The following MAML1 variants were observed in gnomAD, a reference collection of about 807,000 sequenced individuals.
MAML1 encodes mastermind-like protein 1.
In MAML1, 14 loss-of-function variants were observed where a neutral mutation model predicts 77.1. The ratio of observed to expected loss-of-function variants is 0.18; its 90% CI spans 0.12 to 0.28. The LOEUF is 0.28. MAML1 is among the 10% of genes least tolerant of loss of function. MAML1 has a pLI of 1.00. For synonymous variants in MAML1, 516 were observed against 551.9 expected, an observed-to-expected ratio of 0.93 and a Z score of 0.91; for missense variants, 1,217 against 1,327.8, an observed-to-expected ratio of 0.92 and a Z score of 1.30.
At chr5:179,756,293 C>T (rs376150012) in intron 1 of MAML1, among the ~76,000 whole-genome samples, 4 of 151,706 alleles carry the variant, frequency 2.6e-5, no homozygotes, top group East Asian at 2.0e-4. Flanking sequence ...GGTGTGGTGG[C>T]GGGCGCCTGT....
intron 1 of MAML1, among the ~76,000 whole-genome samples, chr5:179,739,557 AT>A (rs1422535273): frequency 6.6e-6 from 1 of 152,180 alleles, no homozygotes; most frequent in Non-Finnish European, 1.5e-5. Flanking sequence ...GGTGGCATGC[AT>A]CTGTATTCTC....
rs1755914339 is a variant in MAML1, at chr5:179,769,212, A to G, written c.1971+123A>G. ...CGCAGACTTGCGTGCCTGTTGTTAG[A>G]GTGCTTTGCCTTTTAAAAACATCTT... On this transcript the variant is annotated intron_variant, in intron 3 of 4. Transcript: ENST00000292599. The surrounding 1 kb of genome is among the most constrained non-coding windows in gnomAD (Gnocchi z 4.2). The G allele has an allele frequency of 2.2e-6, 3 of 1,379,416 alleles. No individual in the cohort carries two copies. Among genetic ancestry groups the G allele is most frequent in the Non-Finnish European group, 3.0e-6 (3 of 1,008,730 alleles). 85.4% of individuals were successfully genotyped at this position (1,379,416 alleles called of 1,614,324 possible).
At chr5:179,742,984 C>G (rs1464982739) in intron 1 of MAML1, among the ~76,000 whole-genome samples, 3 of 151,484 alleles carry the variant, frequency 2.0e-5, no homozygotes, top group African/African-American at 7.3e-5. Flanking sequence ...TCATGAAAAG[C>G]CTTATATTTG....
intron 1 of MAML1, among the ~76,000 whole-genome samples, chr5:179,753,237 G>C (rs887665636): frequency 1.3e-5 from 2 of 152,126 alleles, no homozygotes; most frequent in Middle Eastern, 3.4e-3. Flanking sequence ...GCGCGCGCGC[G>C]CGTGCTGGGG....
Position 179,777,224 on chromosome 5 carries a change from G to T in MAML1, c.*2347G>T, listed in dbSNP as rs551366661. 9 of 967,750 alleles carry T rather than the reference G, an allele frequency of 9.3e-6. No homozygotes were observed. The African/African-American group carries it at 1.1e-4, about 11-fold the overall frequency. 59.9% of individuals were successfully genotyped at this position (967,750 alleles called of 1,614,324 possible). On this transcript the variant is annotated 3_prime_UTR_variant, in exon 5 of 5. Coordinates refer to ENST00000292599, the MANE Select transcript of MAML1 (RefSeq NM_014757.5). ...CCTTAACTCTGGTATACACCAAAAAGAAATCTTTACTTTCCTTGTTTTATC... is the reference window on the plus strand; with the variant it reads ...CCTTAACTCTGGTATACACCAAAAATAAATCTTTACTTTCCTTGTTTTATC...
At chr5:179,756,415 A>G (rs547921109) in intron 1 of MAML1, among the ~76,000 whole-genome samples, 6 of 147,790 alleles carry the variant, frequency 4.1e-5, no homozygotes, top group African/African-American at 1.5e-4. Flanking sequence ...TGGGCGACAG[A>G]CAGAGCGGGA....
chr5:179,759,237 G>A (rs200535093), intron 1 of MAML1, among the ~76,000 whole-genome samples: 137 of 152,282 alleles, frequency 9.0e-4, no homozygotes, highest in Non-Finnish European at 1.8e-3. Context: ...GACAAAGGGA[G>A]TCTGTCGGCA....
chr5:179,741,205 G>A (rs1485191900), intron 1 of MAML1, among the ~76,000 whole-genome samples: 1 of 152,168 alleles, frequency 6.6e-6, no homozygotes, highest in East Asian at 1.9e-4. Context: ...TTCAGTTGGT[G>A]GTTCTTTCAA....
At position 179,752,201 on chromosome 5, in the gene MAML1, C is replaced by T. The variant is rs1344741986; in HGVS notation, c.316-13125C>T. Among the ~76,000 whole-genome samples, 24 of 150,986 alleles carry T rather than the reference C, an allele frequency of 1.6e-4. No homozygotes were observed. The East Asian group carries it at 2.0e-3, about 12-fold the overall frequency. On this transcript the variant is annotated intron_variant, in intron 1 of 4. Coordinates refer to ENST00000292599, the MANE Select transcript of MAML1 (RefSeq NM_014757.5). ...ATTAGCTGGGTGTGGTGGCGCACGC[C>T]TGTAGTCCCAGCCACTCAAGAGGCT...
In MAML1 at chr5:179,733,417, G is replaced by T. The variant is rs1779107326; in HGVS notation, c.305G>T (p.Arg102Leu). 3 of 1,104,634 alleles carry T rather than the reference G, an allele frequency of 2.7e-6. No individual in the cohort carries two copies. Among genetic ancestry groups the T allele is most frequent in the Admixed American group, 5.1e-5 (1 of 19,678 alleles). 68.4% of individuals were successfully genotyped at this position (1,104,634 alleles called of 1,614,324 possible). A position where few individuals can be genotyped will look rare whatever the true frequency, so the allele number is the denominator to read the frequency against. ...GCCGCTGACGGCCCCGAGCACGGCC[G>T]CCCGGCCACGGTGAGTAGGGCGCGG... ...LDAADGPEHGRPATHLHDTVK... is the reference protein window; with the variant it reads ...LDAADGPEHGLPATHLHDTVK... Residue 102 changes from arginine (R) to leucine (L), a missense_variant, in exon 1 of 5, where the codon CGC (arginine) becomes CTC (leucine). Physicochemically the swap from Arg to Leu is moderately radical, Grantham distance 102 (BLOSUM62 -2). Transcript: ENST00000292599.
At chr5:179,749,786 G>A (rs1401573651) in intron 1 of MAML1, among the ~76,000 whole-genome samples, 2 of 151,978 alleles carry the variant, frequency 1.3e-5, no homozygotes, top group East Asian at 3.9e-4. Flanking sequence ...CCATACTGCA[G>A]CAGTGCAACC....
At chr5:179,759,195 C>T (rs746209186) in intron 1 of MAML1, among the ~76,000 whole-genome samples, 1 of 152,252 alleles carries the variant, frequency 6.6e-6, no homozygotes, top group African/African-American at 2.4e-5. Context: ...GCATCACTCT[C>T]GGAAGTGGGA....
At chr5:179,772,625 C>T (rs1756027634) in intron 4 of MAML1, among the ~76,000 whole-genome samples, 1 of 152,194 alleles carries the variant, frequency 6.6e-6, no homozygotes, top group East Asian at 1.9e-4. Flanking sequence ...CTCTCCAGCA[C>T]AGCACCTGCC....
In MAML1 at chr5:179,766,523, A is replaced by T; in HGVS notation, c.1513A>T (p.Asn505Tyr). Residue 505 changes from asparagine to tyrosine, a missense_variant, in exon 2 of 5, where the codon AAC becomes TAC. This residue lies in a region of MAML1 where 884 missense variants were observed against 949.3 expected (regional missense o/e 0.93). Coordinates refer to ENST00000292599, the MANE Select transcript of MAML1 (RefSeq NM_014757.5). The surrounding 1 kb of genome is among the most constrained non-coding windows in gnomAD (Gnocchi z 4.0). ...TAACTTGAATCAGAACTCCGCGAAT[A>T]ACCAGGGGTCTGTGCTGGACTACGG... ...PSNLNQNSAN[N>Y]QGSVLDYGNT... is the part of the protein sequence containing the mutation. The T allele has an allele frequency of 4.4e-6, 7 of 1,602,484 alleles. No homozygotes were observed. The highest frequency in any genetic ancestry group is 6.0e-6 in the Non-Finnish European group (7 of 1,174,044).
chr5:179,759,526 C>T (rs2113366687), intron 1 of MAML1, among the ~76,000 whole-genome samples: 1 of 152,286 alleles, frequency 6.6e-6, no homozygotes, highest in Non-Finnish European at 1.5e-5. Flanking sequence ...TGTGCTTTAT[C>T]AAATTAACAA....
intron 2 of MAML1, among the ~76,000 whole-genome samples, chr5:179,768,284 C>T (rs1426534818): frequency 6.6e-6 from 1 of 152,148 alleles, no homozygotes; most frequent in Non-Finnish European, 1.5e-5. Context: ...TGGAGAAACC[C>T]CCATCTCTAC....
intron 1 of MAML1, among the ~76,000 whole-genome samples, chr5:179,743,198 A>G (rs1228437650): frequency 6.7e-6 from 1 of 149,320 alleles, no homozygotes; most frequent in Non-Finnish European, 1.5e-5. Context: ...GATTACAGGC[A>G]GGCACCACCA....
rs1756130266 is a variant in MAML1 at position 179,776,143 on chromosome 5, G to A, written c.*1266G>A. 2 of 985,802 alleles carry A rather than the reference G, an allele frequency of 2.0e-6. No individual in the cohort carries two copies. Among genetic ancestry groups the A allele is most frequent in the African/African-American group, 1.7e-5 (1 of 57,260 alleles). 61.1% of individuals were successfully genotyped at this position (985,802 alleles called of 1,614,324 possible). A position where few individuals can be genotyped will look rare whatever the true frequency, so the allele number is the denominator to read the frequency against. The stretch of plus-strand genomic sequence containing the variant: ...ACGAAGATGGAGAGAGCACTTCCCC[G>A]TAACGAAAGCAAAGTGGTAAGCACA... On this transcript the variant is annotated 3_prime_UTR_variant, in exon 5 of 5. Coordinates refer to ENST00000292599, the MANE Select transcript of MAML1 (RefSeq NM_014757.5).
In MAML1 at chr5:179,769,360, A is replaced by G. The variant is rs1039500142; in HGVS notation, c.1971+271A>G. Among the ~76,000 whole-genome samples the G allele has an allele frequency of 2.0e-5, 3 of 152,100 alleles. No individual in the cohort carries two copies. Among genetic ancestry groups the G allele is most frequent in the Non-Finnish European group, 2.9e-5 (2 of 68,014 alleles). ...CTGTTTGTGGAAGGGACATTTTCCTATGTTTCAGGTCAGCAGCTTCCAAGC... is the reference window on the plus strand; with the variant it reads ...CTGTTTGTGGAAGGGACATTTTCCTGTGTTTCAGGTCAGCAGCTTCCAAGC... On this transcript the variant is annotated intron_variant, in intron 3 of 4. Transcript: ENST00000292599. The surrounding 1 kb of genome is among the most constrained non-coding windows in gnomAD (Gnocchi z 4.2).
Sources: allele counts gnomAD v4.1 joint callset (sites outside exome capture counted in the v4.1 genomes callset), GRCh38; gene constraint gnomAD v4.1.1; regional missense constraint gnomAD v4.1.1; non-coding constraint Gnocchi (gnomAD v3.1); transcripts MANE v1.5; gene names NCBI Gene and HGNC (gene_info 2026-07-23, HGNC 2026-07-21).